Variants in NOL4 observed in about 807,000 individuals in gnomAD.
NOL4 encodes the protein nucleolar protein 4, also known as cancer/testis antigen 125.
In NOL4, 17 loss-of-function variants were observed where a neutral mutation model predicts 75.9. That is an observed-to-expected ratio of 0.22 (90% CI 0.15 to 0.34). The LOEUF (loss-of-function observed/expected upper bound fraction) is 0.34, where lower values mean the gene tolerates loss of function less well. Among genes scored for constraint, NOL4 ranks in the 10% least tolerant of loss-of-function variants. The probability of loss-of-function intolerance (pLI) is 1.00; values close to 1 mark genes in which losing one functional copy is unlikely to be tolerated. For synonymous variants in NOL4, 292 were observed against 289.9 expected (o/e 1.01, Z -0.07); for missense variants, 614 against 793.5 (o/e 0.77, Z 2.72).
chr18:34,008,203 C>A (rs1045891828), intron 6 of NOL4, among the ~76,000 whole-genome samples: 2 of 152,004 alleles, frequency 1.3e-5, no homozygotes, highest in Non-Finnish European at 2.9e-5. Flanking sequence ...CTAATTCAGA[C>A]TGGGACTTAC....
chr18:33,926,519 G>T, intron 9 of NOL4, among the ~76,000 whole-genome samples: 1 of 152,266 alleles, frequency 6.6e-6, no homozygotes, highest in African/African-American at 2.4e-5. Context: ...CAAAGATAAA[G>T]AAATAACCAA....
At chr18:33,964,394 T>C (rs2070399325) in intron 6 of NOL4, among the ~76,000 whole-genome samples, 1 of 151,098 alleles carries the variant, frequency 6.6e-6, no homozygotes, top group South Asian at 2.1e-4. Context: ...TCTGATATTA[T>C]ATGAAGCACA....
At chr18:34,211,431 T>C (rs185552603) in intron 1 of NOL4, among the ~76,000 whole-genome samples, 252 of 152,278 alleles carry the variant, frequency 1.7e-3, no homozygotes, top group African/African-American at 5.7e-3. Context: ...TCTCATCTAA[T>C]TAGGTCAATT....
intron 6 of NOL4, among the ~76,000 whole-genome samples, chr18:34,012,134 C>T (rs1246225487): frequency 6.6e-6 from 1 of 151,878 alleles, no homozygotes; most frequent in Admixed American, 6.6e-5. Flanking sequence ...TGAGCATATG[C>T]AATGGCAAAC....
intron 5 of NOL4, among the ~76,000 whole-genome samples, chr18:34,078,801 T>A (rs1301016140): frequency 6.6e-6 from 1 of 152,196 alleles, no homozygotes; most frequent in Non-Finnish European, 1.5e-5. Flanking sequence ...ATATCCAATT[T>A]ACTACAAGGT....
At chr18:33,975,782 A>T (rs886338862) in intron 6 of NOL4, among the ~76,000 whole-genome samples, 16 of 152,318 alleles carry the variant, frequency 1.1e-4, no homozygotes, top group Admixed American at 8.5e-4. Context: ...TTAATTTTAA[A>T]AAGGCAATTG....
intron 10 of NOL4, among the ~76,000 whole-genome samples, chr18:33,877,056 C>T (rs1358828676): frequency 6.6e-6 from 1 of 152,004 alleles, no homozygotes; most frequent in Non-Finnish European, 1.5e-5. Context: ...TTAAATTCAG[C>T]TACACTCAGC....
At chr18:34,153,874 T>A (rs1238879245) in intron 1 of NOL4, among the ~76,000 whole-genome samples, 1 of 151,986 alleles carries the variant, frequency 6.6e-6, no homozygotes, top group African/African-American at 2.4e-5. Context: ...ACATTGCTAT[T>A]TCCCAGCAGG....
chr18:34,222,810 A>G (rs2037414984), intron 1 of NOL4, among the ~76,000 whole-genome samples, 180 bp downstream of exon 1: 1 of 152,108 alleles, frequency 6.6e-6, no homozygotes, highest in Non-Finnish European at 1.5e-5. Context: ...AAGACTGTAC[A>G]GTGGGGAAAA....
intron 10 of NOL4, among the ~76,000 whole-genome samples, chr18:33,880,781 A>G (rs1233922747): frequency 1.3e-5 from 2 of 151,962 alleles, no homozygotes; most frequent in Non-Finnish European, 2.9e-5. Flanking sequence ...ATGGATCACT[A>G]TTTAGAAGAA....
intron 5 of NOL4, among the ~76,000 whole-genome samples, chr18:34,088,489 C>G (rs1171394296): frequency 6.6e-6 from 1 of 152,078 alleles, no homozygotes; most frequent in South Asian, 2.1e-4. Flanking sequence ...AGAATGCTTA[C>G]AAACTGCTGA....
intron 1 of NOL4, among the ~76,000 whole-genome samples, chr18:34,196,981 T>C (rs1162724691): frequency 6.6e-6 from 1 of 152,046 alleles, no homozygotes; most frequent in Admixed American, 6.6e-5. Flanking sequence ...ACAATAGGTA[T>C]AGTGAAGGTT....
intron 8 of NOL4, among the ~76,000 whole-genome samples, chr18:33,955,382 C>G (rs948778819): frequency 6.6e-6 from 1 of 151,874 alleles, no homozygotes; most frequent in Non-Finnish European, 1.5e-5. Flanking sequence ...AGCAAATGAT[C>G]GAAAAGTTAA....
chr18:34,148,997 G>A (rs1301798153), intron 1 of NOL4, among the ~76,000 whole-genome samples: 1 of 151,506 alleles, frequency 6.6e-6, no homozygotes, highest in African/African-American at 2.4e-5. Flanking sequence ...TAAATATAGG[G>A]TTCCTCTGAA....
At chr18:34,222,424 G>A in intron 1 of NOL4, 1 of 1,118,934 alleles carries the variant, frequency 8.9e-7, no homozygotes, top group Non-Finnish European at 1.1e-6. Flanking sequence ...AGTGATCGAG[G>A]CATTCGGGCT....
chr18:34,034,414 C>T (rs187738802), intron 5 of NOL4, among the ~76,000 whole-genome samples: 1 of 152,180 alleles, frequency 6.6e-6, no homozygotes, highest in East Asian at 1.9e-4. Flanking sequence ...AATGAAAGTG[C>T]AGAGATGGAG....
At chr18:34,173,855 G>T (rs2033287545) in intron 1 of NOL4, among the ~76,000 whole-genome samples, 1 of 152,154 alleles carries the variant, frequency 6.6e-6, no homozygotes, top group African/African-American at 2.4e-5. Flanking sequence ...CTAAGGAAAA[G>T]GATCCTCTGA....
At chr18:33,930,739 T>A (rs2067633731) in intron 9 of NOL4, among the ~76,000 whole-genome samples, 1 of 152,162 alleles carries the variant, frequency 6.6e-6, no homozygotes, top group Non-Finnish European at 1.5e-5. Context: ...AATATTGGAT[T>A]TTGTGGTATC....
chr18:34,019,229 A>T, intron 6 of NOL4, 89 bp downstream of exon 6: 1 of 1,058,774 alleles, frequency 9.4e-7, no homozygotes, highest in Non-Finnish European at 1.4e-6. Flanking sequence ...ATTTTTATTA[A>T]CAATAATGTT....
Sources: allele counts gnomAD v4.1 joint callset (sites outside exome capture counted in the v4.1 genomes callset), GRCh38; gene constraint gnomAD v4.1.1; transcripts MANE v1.5; gene names NCBI Gene and HGNC (gene_info 2026-07-23, HGNC 2026-07-21).